CHST15: variants seen among roughly 807,000 people sequenced by gnomAD.
CHST15 encodes the protein B cell RAG associated protein (GALNAC4S-6ST).
In CHST15, 30 loss-of-function variants were observed where a neutral mutation model predicts 53.6. That is an observed-to-expected ratio of 0.56 (90% CI 0.42 to 0.76). CHST15 has a LOEUF of 0.76. Ranked by LOEUF, CHST15 falls within the 30% of genes least tolerant of loss-of-function variation. The pLI is 0.00. For synonymous variants in CHST15, 296 were observed against 289.8 expected, an observed-to-expected ratio of 1.02 and a Z score of -0.22; for missense variants, 627 against 740.5, an observed-to-expected ratio of 0.85 and a Z score of 1.78.
chr10:124,044,256 C>A (rs1947870254), intron 3 of CHST15, among the ~76,000 whole-genome samples: 1 of 152,022 alleles, frequency 6.6e-6, no homozygotes, highest in East Asian at 1.9e-4. Flanking sequence ...GAGCCCGGAT[C>A]ACGCCCTTCT....
intron 4 of CHST15, among the ~76,000 whole-genome samples, chr10:124,041,564 G>A (rs1323093022): frequency 1.3e-5 from 2 of 151,872 alleles, no homozygotes; most frequent in East Asian, 3.9e-4. Context: ...ACACACAAAG[G>A]TAACTGTGAA....
chr10:124,014,451 C>G lies in CHST15; in HGVS notation c.1348-1971G>C, dbSNP rs1946519959. Among the ~76,000 whole-genome samples, 3 of 152,220 alleles carry G rather than the reference C, an allele frequency of 2.0e-5. No homozygotes were observed. In the South Asian group the frequency reaches 6.2e-4, roughly 31 times the overall value. ...TGCCTTCAAAATTCATTAGCTGTTTCCAACCCACACTGTTGCTACCTCACA... is the reference window on the plus strand; with the variant it reads ...TGCCTTCAAAATTCATTAGCTGTTTGCAACCCACACTGTTGCTACCTCACA... On this transcript the variant is annotated intron_variant, in intron 6 of 7. Coordinates refer to ENST00000435907, the MANE Select transcript of CHST15 (RefSeq NM_001270764.2).
chr10:124,010,720 T>C (rs1564845478), intron 7 of CHST15: 1 of 985,242 alleles, frequency 1.0e-6, no homozygotes, highest in Non-Finnish European at 1.2e-6. Context: ...AGCCCACGGG[T>C]TTCGGTTTTC....
chr10:124,014,482 G>A (rs1175692071), intron 6 of CHST15, among the ~76,000 whole-genome samples: 1 of 152,162 alleles, frequency 6.6e-6, no homozygotes, highest in Non-Finnish European at 1.5e-5. Flanking sequence ...TCACATGCCA[G>A]CTCAGAAAAA....
intron 5 of CHST15, among the ~76,000 whole-genome samples, chr10:124,030,673 G>A (rs1320784734): frequency 6.6e-6 from 1 of 152,212 alleles, no homozygotes; most frequent in Non-Finnish European, 1.5e-5. Context: ...GTGCAAATCT[G>A]TTCTAGAGAA....
intron 6 of CHST15, 125 bp downstream of exon 6, chr10:124,021,131 A>G (rs78068995): frequency 0.027 from 41,916 of 1,529,264 alleles, 721 homozygotes; most frequent in Non-Finnish European, 0.03. Context: ...GCATTTGCAC[A>G]TTAAAACGCT....
intron 1 of CHST15, among the ~76,000 whole-genome samples, chr10:124,058,838 C>T (rs1948468982): frequency 6.6e-6 from 1 of 152,214 alleles, no homozygotes; most frequent in Admixed American, 6.5e-5. Flanking sequence ...GTCACAACAA[C>T]AGTGACACCA....
At position 124,008,878 on chromosome 10, in the gene CHST15, A is replaced by T. The variant is rs950281857; in HGVS notation, c.*1271T>A. The T allele has an allele frequency of 1.6e-6, 2 of 1,275,494 alleles. No individual in the cohort carries two copies. The highest frequency in any genetic ancestry group is 1.5e-5 in the African/African-American group (1 of 65,684). The allele number at this position is 1,275,494 out of a possible 1,614,324, so 79.0% of individuals were successfully genotyped here. A position where few individuals can be genotyped will look rare whatever the true frequency, so the allele number is the denominator to read the frequency against. On this transcript the variant is annotated 3_prime_UTR_variant, in exon 8 of 8. Transcript: ENST00000435907. The stretch of plus-strand genomic sequence containing the variant: ...CAATCTTCCCTGTGACTTCCAAGAA[A>T]CGACAAGATCTCTAGCCCATCCATC...
Position 124,032,708 on chromosome 10 carries a change from A to G in CHST15, c.1190+5807T>C, listed in dbSNP as rs576784458. Reference sequence around the variant, plus strand: ...ATCAAGCTAGTTTTAAATTGTCATGATCTCTTACAGAGAGGAAACTGGAAC... The same window carrying G: ...ATCAAGCTAGTTTTAAATTGTCATGGTCTCTTACAGAGAGGAAACTGGAAC... On this transcript the variant is annotated intron_variant, in intron 5 of 7. Coordinates refer to ENST00000435907, the MANE Select transcript of CHST15 (RefSeq NM_001270764.2). 8.6e-5 allele frequency among the ~76,000 whole-genome samples: 13 copies of G among 151,854 alleles called. No individual in the cohort carries two copies. The South Asian group carries it at 2.7e-3, about 32-fold the overall frequency.
intron 1 of CHST15, among the ~76,000 whole-genome samples, chr10:124,048,751 G>A (rs560686558): frequency 6.6e-6 from 1 of 152,334 alleles, no homozygotes; most frequent in African/African-American, 2.4e-5. Flanking sequence ...CTGTCTTTCT[G>A]CTGCAGAAAA....
intron 1 of CHST15, among the ~76,000 whole-genome samples, chr10:124,051,572 G>A (rs890786256): frequency 7.2e-5 from 11 of 152,286 alleles, no homozygotes; most frequent in South Asian, 2.1e-4. Flanking sequence ...TGGCACTTCC[G>A]TTCATGTATT....
chr10:124,009,712 G>A lies in CHST15; in HGVS notation c.*437C>T, dbSNP rs1231815498. On this transcript the variant is annotated 3_prime_UTR_variant, in exon 8 of 8. Coordinates refer to ENST00000435907, the MANE Select transcript of CHST15 (RefSeq NM_001270764.2). ...ACACGGCGAGACCCCATCTCTAGGGGGAAAAAAAGGGAACGTGAAGTGTAA... is the reference window on the plus strand; with the variant it reads ...ACACGGCGAGACCCCATCTCTAGGGAGAAAAAAAGGGAACGTGAAGTGTAA... 3 of 1,024,212 alleles carry A rather than the reference G, an allele frequency of 2.9e-6. No homozygotes were observed. Among genetic ancestry groups the A allele is most frequent in the Admixed American group, 1.0e-4 (2 of 19,762 alleles). 63.4% of individuals were successfully genotyped at this position (1,024,212 alleles called of 1,614,324 possible).
rs1026218723 is a variant in CHST15 at position 124,021,385 on chromosome 10, T to A, written c.1218A>T (p.Ala406=). 5 of 1,613,784 alleles carry A rather than the reference T, an allele frequency of 3.1e-6. No homozygotes were observed. The highest frequency in any genetic ancestry group is 2.5e-6 in the Non-Finnish European group (3 of 1,179,828). The change falls in exon 6 of 8, where the codon GCA becomes GCT. Residue 406 remains alanine (A), a synonymous_variant. Transcript: ENST00000435907. ...AGTCGTCCGCGGATTTATTCGAACT[T>A]GCAAAGTAGAGATAGTCTGAGTACA... ...ERLYSDYLYF[A]SSNKSADDFH...
At chr10:124,090,755 G>C (rs1465595463) in intron 1 of CHST15, among the ~76,000 whole-genome samples, 2 of 152,254 alleles carry the variant, frequency 1.3e-5, no homozygotes, top group Non-Finnish European at 2.9e-5. Flanking sequence ...GGCCAGGACA[G>C]TGGCTCAGAC....
rs1455177427 is a variant in CHST15, at chr10:124,044,816, G to T, written c.650C>A (p.Ser217Tyr). ...QNTTDPYLTNSYVLYSKRFRS... is the reference protein window; with the variant it reads ...QNTTDPYLTNYYVLYSKRFRS... ...GAAGCGCTTGGAGTAGAGCACGTAGGAGTTGGTGAGGTAGGGGTCGGTGGT... is the reference window on the plus strand; with the variant it reads ...GAAGCGCTTGGAGTAGAGCACGTAGTAGTTGGTGAGGTAGGGGTCGGTGGT... Residue 217 changes from serine to tyrosine, a missense_variant, in exon 3 of 8, where the codon TCC becomes TAC. Coordinates refer to ENST00000435907, the MANE Select transcript of CHST15 (RefSeq NM_001270764.2). 2 of 1,589,564 alleles carry T rather than the reference G, an allele frequency of 1.3e-6. No individual in the cohort carries two copies. Among genetic ancestry groups the T allele is most frequent in the Non-Finnish European group, 1.7e-6 (2 of 1,165,436 alleles).
chr10:124,073,498 G>A (rs1564908478), intron 1 of CHST15, among the ~76,000 whole-genome samples: 1 of 152,232 alleles, frequency 6.6e-6, no homozygotes, highest in Non-Finnish European at 1.5e-5. Flanking sequence ...GCATAGGTGA[G>A]TTCTGTTTGT....
rs1946321613 is a variant in CHST15 at position 124,008,292 on chromosome 10, T to A, written c.*1857A>T. 1 of 1,140,672 alleles carries A rather than the reference T, an allele frequency of 8.8e-7. No individual in the cohort carries two copies. Among genetic ancestry groups the A allele is most frequent in the South Asian group, 4.4e-5 (1 of 22,642 alleles). 70.7% of individuals were successfully genotyped at this position (1,140,672 alleles called of 1,614,324 possible). Reference sequence around the variant, plus strand: ...TTGTGTCCAGAGCGGAGGAGCCTCATTAGCAACTGAACAGAACCCACTCAG... The same window carrying A: ...TTGTGTCCAGAGCGGAGGAGCCTCAATAGCAACTGAACAGAACCCACTCAG... On this transcript the variant is annotated 3_prime_UTR_variant, in exon 8 of 8. Coordinates refer to ENST00000435907, the MANE Select transcript of CHST15 (RefSeq NM_001270764.2).
At chr10:124,058,545 C>A (rs907203589) in intron 1 of CHST15, among the ~76,000 whole-genome samples, 1 of 152,208 alleles carries the variant, frequency 6.6e-6, no homozygotes, top group South Asian at 2.1e-4. Flanking sequence ...CTGCAGCAGG[C>A]GAACGAAGCT....
chr10:124,077,498 C>A (rs750919823), intron 1 of CHST15, among the ~76,000 whole-genome samples: 1 of 152,138 alleles, frequency 6.6e-6, no homozygotes, highest in South Asian at 2.1e-4. Flanking sequence ...CGAGCCGAGG[C>A]TTACACTCTT....
Sources: allele counts gnomAD v4.1 joint callset (sites outside exome capture counted in the v4.1 genomes callset), GRCh38; gene constraint gnomAD v4.1.1; transcripts MANE v1.5; gene names NCBI Gene and HGNC (gene_info 2026-07-23, HGNC 2026-07-21).